Variants in MIR2052HG observed in about 807,000 individuals in gnomAD.
MIR2052HG encodes MIR2052 host gene.
At chr8:74,735,689 A>G (rs1364998059) in intron 4 of MIR2052HG, among the ~76,000 whole-genome samples, 2 of 152,230 alleles carry the variant, frequency 1.3e-5, no homozygotes, top group African/African-American at 4.8e-5. Flanking sequence ...TGCTGGCCTT[A>G]CACATAACTT....
intron 1 of MIR2052HG, among the ~76,000 whole-genome samples, chr8:74,608,792 T>C (rs146833069): frequency 1.4e-3 from 210 of 152,122 alleles, no homozygotes; most frequent in African/African-American, 4.9e-3. Context: ...GAGATGAAGT[T>C]AAAACAAAAC....
rs568109498 is a variant in MIR2052HG, at chr8:74,658,371, G to A, written n.217-44008G>A. On this transcript the variant is annotated intron_variant and non_coding_transcript_variant, in intron 2 of 6. Coordinates refer to ENST00000523442, the Ensembl canonical transcript of MIR2052HG. The stretch of plus-strand genomic sequence containing the variant: ...TGTCTTGTCTGCTTTGCCTGCTGAT[G>A]TTTCTTTCTCTCGCTCTCTTTTTTT... Among the ~76,000 whole-genome samples the A allele has an allele frequency of 2.7e-5, 4 of 150,200 alleles. No individual in the cohort carries two copies. In the South Asian group the frequency reaches 6.3e-4, roughly 24 times the overall value.
At chr8:74,705,226 A>C (rs958337255) in intron 4 of MIR2052HG, among the ~76,000 whole-genome samples, 1 of 152,094 alleles carries the variant, frequency 6.6e-6, no homozygotes, top group Non-Finnish European at 1.5e-5. Context: ...TCATAGGAAA[A>C]AATTATTTAA....
chr8:74,720,644 T>C (rs1394908904), intron 4 of MIR2052HG, among the ~76,000 whole-genome samples: 1 of 152,212 alleles, frequency 6.6e-6, no homozygotes, highest in East Asian at 1.9e-4. Context: ...AAAATGTATA[T>C]GTTATGCTAG....
intron 2 of MIR2052HG, among the ~76,000 whole-genome samples, chr8:74,614,184 T>A (rs1014638565): frequency 6.6e-6 from 1 of 152,212 alleles, no homozygotes; most frequent in Non-Finnish European, 1.5e-5. Context: ...AAGAGTTGAA[T>A]ATTATTGAAT....
intron 2 of MIR2052HG, among the ~76,000 whole-genome samples, chr8:74,678,727 A>G (rs1809084362): frequency 6.6e-6 from 1 of 151,960 alleles, no homozygotes; most frequent in African/African-American, 2.4e-5. Flanking sequence ...TAACACAAGG[A>G]CAATAATATA....
At chr8:74,679,611 T>G (rs1016748949) in intron 2 of MIR2052HG, among the ~76,000 whole-genome samples, 1 of 151,474 alleles carries the variant, frequency 6.6e-6, no homozygotes, top group Non-Finnish European at 1.5e-5. Flanking sequence ...CTGCAACCTC[T>G]ACCTCCTGGG....
chr8:74,654,475 T>C (rs1235714426), intron 2 of MIR2052HG, among the ~76,000 whole-genome samples: 1 of 152,128 alleles, frequency 6.6e-6, no homozygotes, highest in African/African-American at 2.4e-5. Flanking sequence ...GGACCTAGGA[T>C]GAGGTAATTG....
intron 4 of MIR2052HG, among the ~76,000 whole-genome samples, chr8:74,717,300 T>C (rs926560255): frequency 6.6e-6 from 1 of 152,190 alleles, no homozygotes; most frequent in Non-Finnish European, 1.5e-5. Flanking sequence ...GATGATGGTT[T>C]CCAGCTTCAT....
chr8:74,652,879 G>T (rs1372532758), intron 2 of MIR2052HG, among the ~76,000 whole-genome samples: 1 of 152,146 alleles, frequency 6.6e-6, no homozygotes, highest in South Asian at 2.1e-4. Context: ...GACTGCAGCA[G>T]AACTGTTAGC....
intron 1 of MIR2052HG, chr8:74,604,044 G>T: frequency 1.0e-6 from 1 of 962,892 alleles, no homozygotes; most frequent in Admixed American, 1.7e-5. Context: ...CTTTGAAGAC[G>T]GCATTAGCAG....
intron 2 of MIR2052HG, among the ~76,000 whole-genome samples, chr8:74,615,375 G>A (rs1215389323): frequency 6.6e-6 from 1 of 152,198 alleles, no homozygotes; most frequent in Non-Finnish European, 1.5e-5. Context: ...GCAGCCAGAA[G>A]CTGAGTCCAC....
intron 2 of MIR2052HG, among the ~76,000 whole-genome samples, chr8:74,650,870 C>A (rs1808744167): frequency 6.6e-6 from 1 of 152,112 alleles, no homozygotes; most frequent in Admixed American, 6.5e-5. Context: ...TGCATAAGCC[C>A]TGGTTTTATT....
intron 2 of MIR2052HG, among the ~76,000 whole-genome samples, chr8:74,657,800 G>A (rs575998375): frequency 3.9e-5 from 6 of 152,190 alleles, no homozygotes; most frequent in East Asian, 1.9e-4. Context: ...ACTTCCCACC[G>A]GGACTCTCCC....
intron 2 of MIR2052HG, among the ~76,000 whole-genome samples, chr8:74,672,981 TA>T (rs931317974): frequency 2.0e-5 from 3 of 152,004 alleles, no homozygotes; most frequent in African/African-American, 7.2e-5. Flanking sequence ...ACTACCATCA[TA>T]AAGGACAGAG....
At chr8:74,693,447 G>A (rs1322897669) in intron 2 of MIR2052HG, among the ~76,000 whole-genome samples, 1 of 152,054 alleles carries the variant, frequency 6.6e-6, no homozygotes, top group Non-Finnish European at 1.5e-5. Context: ...GGGGTGAAAG[G>A]GGAGTGCAGA....
intron 2 of MIR2052HG, among the ~76,000 whole-genome samples, chr8:74,624,189 T>G (rs1808404765): frequency 6.6e-6 from 1 of 152,182 alleles, no homozygotes; most frequent in African/African-American, 2.4e-5. Context: ...AGCCACAAAC[T>G]GTTGTATAGC....
At chr8:74,711,786 A>C (rs543206394) in intron 4 of MIR2052HG, among the ~76,000 whole-genome samples, 1 of 152,314 alleles carries the variant, frequency 6.6e-6, no homozygotes, top group East Asian at 1.9e-4. Context: ...CCTTGCTTCA[A>C]ATTCAGAATG....
At chr8:74,635,640 A>G (rs76904379) in intron 2 of MIR2052HG, among the ~76,000 whole-genome samples, 6,564 of 152,234 alleles carry the variant, frequency 0.043, 222 homozygotes, top group Non-Finnish European at 0.053. Context: ...GCAATGAAAA[A>G]TGTTGCTTAT....
Sources: allele counts gnomAD v4.1 joint callset (sites outside exome capture counted in the v4.1 genomes callset), GRCh38; gene constraint gnomAD v4.1.1; transcripts MANE v1.5; gene names NCBI Gene and HGNC (gene_info 2026-07-23, HGNC 2026-07-21).